Variants in TLN2 observed in about 807,000 individuals in gnomAD.
The protein encoded by TLN2 is talin-2.
A neutral mutation model predicts 294.7 loss-of-function variants in TLN2; 118 were observed. The observed-to-expected ratio is 0.40, with a 90% confidence interval of 0.34 to 0.47. TLN2 has a LOEUF of 0.47. Ranked by LOEUF, TLN2 falls within the 20% of genes least tolerant of loss-of-function variation. TLN2 has a pLI of 0.84. For synonymous variants in TLN2, 1,431 were observed against 1,304.5 expected, an observed-to-expected ratio of 1.10 and a Z score of -2.09; for missense variants, 3,083 against 3,282.2, an observed-to-expected ratio of 0.94 and a Z score of 1.48.
intron 27 of TLN2, among the ~76,000 whole-genome samples, chr15:62,726,655 G>C (rs1257089357): frequency 6.6e-6 from 1 of 152,164 alleles, no homozygotes; most frequent in African/African-American, 2.4e-5. Context: ...GCAGCTGGAT[G>C]TCTGCCCACT....
chr15:62,424,933 A>G (rs1466426706), intron 1 of TLN2, among the ~76,000 whole-genome samples: 1 of 133,376 alleles, frequency 7.5e-6, no homozygotes, highest in African/African-American at 2.9e-5. Context: ...CATCACAGGC[A>G]TGAGCCACCG....
Position 62,532,395 on chromosome 15 carries a change from C to T in TLN2, c.-237-57292C>T, listed in dbSNP as rs574079313. 4.6e-5 allele frequency among the ~76,000 whole-genome samples: 7 copies of T among 152,270 alleles called. No homozygotes were observed. In the South Asian group the frequency reaches 1.5e-3, roughly 32 times the overall value. ...TACAGGTGTGAGCCACTGCATCCAG[C>T]ATTACTGGGAATAATTTGAATTTAC... On this transcript the variant is annotated intron_variant, in intron 1 of 58. Transcript: ENST00000636159.
chr15:62,518,015 A>G (rs2040266536), intron 1 of TLN2, among the ~76,000 whole-genome samples: 1 of 151,736 alleles, frequency 6.6e-6, no homozygotes, highest in Non-Finnish European at 1.5e-5. Flanking sequence ...AGCACATAGT[A>G]AATGCTCATT....
At chr15:62,700,743 C>A (rs1202177042) in intron 16 of TLN2, among the ~76,000 whole-genome samples, 1 of 152,230 alleles carries the variant, frequency 6.6e-6, no homozygotes, top group African/African-American at 2.4e-5. Context: ...AAATTAGCAA[C>A]AACTATTAGT....
At chr15:62,694,228 C>A in intron 13 of TLN2, 88 bp from the exon 14 acceptor site, 1 of 1,199,670 alleles carries the variant, frequency 8.3e-7, no homozygotes, top group Admixed American at 1.8e-5. Flanking sequence ...CCGCCCGTCT[C>A]AGCCTCCCAA....
intron 1 of TLN2, among the ~76,000 whole-genome samples, chr15:62,455,283 G>A (rs776119855): frequency 9.9e-5 from 15 of 151,982 alleles, no homozygotes; most frequent in Non-Finnish European, 2.1e-4. Flanking sequence ...TGGAGGGGAC[G>A]TGATGGGGAA....
intron 9 of TLN2, among the ~76,000 whole-genome samples, chr15:62,667,182 G>A (rs944290579): frequency 2.6e-5 from 4 of 152,090 alleles, no homozygotes; most frequent in South Asian, 2.1e-4. Context: ...TAGCCAGGAT[G>A]GTCTCGATCT....
chr15:62,701,312 A>G, intron 17 of TLN2, 98 bp downstream of exon 17: 1 of 1,012,484 alleles, frequency 9.9e-7, no homozygotes, highest in East Asian at 2.6e-5. Context: ...GATTGAAACA[A>G]TAGACTTTAT....
rs2064402090 is a variant in TLN2, at chr15:62,783,798, G to A, written c.5644G>A (p.Glu1882Lys). 6.2e-7 allele frequency: 1 copy of A among 1,609,632 alleles called. No homozygotes were observed. The highest frequency in any genetic ancestry group is 2.2e-5 in the East Asian group (1 of 44,686). The stretch of plus-strand genomic sequence containing the variant: ...GACTAAGTCGGTTACTAACCCGGAG[G>A]AGTTGGGAGGACTGGCTTCACAAAT... The part of the protein sequence containing the change: ...MMTKSVTNPE[E>K]LGGLASQMTS... The change falls in exon 45 of 59, where the codon GAG (glutamate) becomes AAG (lysine). Residue 1882 changes from glutamate (E) to lysine (K), a missense_variant. Glu to Lys is a moderately conservative substitution (Grantham distance 56). Transcript: ENST00000636159.
At chr15:62,591,132 C>T (rs2046044834) in intron 2 of TLN2, among the ~76,000 whole-genome samples, 1 of 152,284 alleles carries the variant, frequency 6.6e-6, no homozygotes, top group African/African-American at 2.4e-5. Context: ...CTACCATCTA[C>T]TAATATAATT....
chr15:62,541,237 A>T (rs903582243), intron 1 of TLN2, among the ~76,000 whole-genome samples: 2 of 152,210 alleles, frequency 1.3e-5, no homozygotes, highest in African/African-American at 4.8e-5. Context: ...AACATTAAAA[A>T]TAGGAAGAAT....
At chr15:62,471,865 C>A (rs974570600) in intron 1 of TLN2, among the ~76,000 whole-genome samples, 4 of 145,540 alleles carry the variant, frequency 2.7e-5, no homozygotes, top group African/African-American at 9.9e-5. Flanking sequence ...CCTCATCAGT[C>A]AGTCAGATGG....
intron 22 of TLN2, among the ~76,000 whole-genome samples, chr15:62,715,479 G>C (rs1256055673): frequency 6.6e-6 from 1 of 152,222 alleles, no homozygotes; most frequent in Non-Finnish European, 1.5e-5. Flanking sequence ...GATGTGCTGT[G>C]AGCATGTTGA....
At chr15:62,700,604 A>G (rs928071748) in intron 16 of TLN2, among the ~76,000 whole-genome samples, 13 of 152,202 alleles carry the variant, frequency 8.5e-5, no homozygotes, top group Non-Finnish European at 1.5e-4. Flanking sequence ...TACCGTCTAC[A>G]TGAGCATGGC....
At position 62,746,205 on chromosome 15, in the gene TLN2, T is replaced by C. The variant is rs146396155; in HGVS notation, c.4026-2146T>C. On this transcript the variant is annotated intron_variant, in intron 32 of 58. Transcript: ENST00000636159. ...GAAACACAGAGAGAATTAAGCTAAA[T>C]AGAAAGTTTCTGTGATATGTGGAAA... Among the ~76,000 whole-genome samples the C allele has an allele frequency of 2.7e-3, 415 of 152,278 alleles. 3 individuals are homozygous for C. Among genetic ancestry groups the C allele is most frequent in the African/African-American group, 9.7e-3 (402 of 41,556 alleles).
At chr15:62,651,904 T>G in intron 5 of TLN2, 101 bp from the exon 6 acceptor site, 7 of 1,303,864 alleles carry the variant, frequency 5.4e-6, no homozygotes, top group Non-Finnish European at 7.2e-6. Flanking sequence ...AATCAGAGTC[T>G]ACTCTGATTT....
chr15:62,421,128 T>C (rs760907918), intron 1 of TLN2, among the ~76,000 whole-genome samples: 1 of 152,210 alleles, frequency 6.6e-6, no homozygotes, highest in Non-Finnish European at 1.5e-5. Flanking sequence ...TAACCAGTTA[T>C]AGAGATAAAA....
chr15:62,453,109 G>A (rs2036251593), intron 1 of TLN2, among the ~76,000 whole-genome samples: 1 of 152,178 alleles, frequency 6.6e-6, no homozygotes, highest in African/African-American at 2.4e-5. Context: ...TAGATTTGCT[G>A]CATTTTTGCT....
chr15:62,722,695 T>C (rs2060218363), intron 26 of TLN2, among the ~76,000 whole-genome samples: 1 of 152,248 alleles, frequency 6.6e-6, no homozygotes, highest in Non-Finnish European at 1.5e-5. Flanking sequence ...TGATTTCAAA[T>C]GCCTTTCGTT....
Sources: gnomAD v4.1 joint callset for allele counts (sites outside exome capture counted in the v4.1 genomes callset) on GRCh38, gnomAD v4.1.1 for gene constraint, MANE v1.5 for transcripts, NCBI Gene and HGNC (gene_info 2026-07-23, HGNC 2026-07-21) for gene names.